CENPK: variants seen among roughly 807,000 people sequenced by gnomAD.
CENPK encodes SoxLZ/Sox6-binding protein Solt.
Under a neutral mutation model 40.9 loss-of-function variants are expected in CENPK, and 46 were observed. The ratio of observed to expected loss-of-function variants is 1.13; its 90% CI spans 0.89 to 1.44. The LOEUF (loss-of-function observed/expected upper bound fraction) is 1.44. CENPK is among the 40% of genes most tolerant of loss of function. CENPK has a pLI of 0.00. For synonymous variants in CENPK, 107 were observed against 104.4 expected (o/e 1.02, Z -0.15); for missense variants, 288 against 303.5 (o/e 0.95, Z 0.38).
rs115054098 is a variant in CENPK at position 65,518,708 on chromosome 5, A to G, written c.652-75T>C. 3,081 of 862,622 alleles carry G rather than the reference A, an allele frequency of 3.6e-3. 75 individuals carry two copies. The African/African-American group carries it at 0.048, about 13-fold the overall frequency. The allele number at this position is 862,622 out of a possible 1,614,324, so 53.4% of individuals were successfully genotyped here. Reference sequence around the variant, plus strand: ...ATAGCTATAAGAAAGTTTTTTGTCAAAGAATATTGACCTCTTTTCTTTTTC... The same window carrying G: ...ATAGCTATAAGAAAGTTTTTTGTCAGAGAATATTGACCTCTTTTCTTTTTC... On this transcript the variant is annotated intron_variant, in intron 10 of 10. Transcript: ENST00000396679.
the CENPK span, among the ~76,000 whole-genome samples, chr5:65,509,548 T>C: frequency 1.2e-4 from 18 of 152,374 alleles, no homozygotes; most frequent in African/African-American, 4.3e-4. Context: ...TACTGAAGAA[T>C]GTCGGTGTTC....
intron 3 of CENPK, among the ~76,000 whole-genome samples, chr5:65,552,760 A>G (rs550813296): frequency 2.2e-4 from 34 of 152,108 alleles, no homozygotes; most frequent in Admixed American, 2.6e-4. Flanking sequence ...AAGAGACACT[A>G]GAATGAAGAG....
At chr5:65,530,055 A>T (rs1333739369) in intron 6 of CENPK, among the ~76,000 whole-genome samples, 1 of 148,216 alleles carries the variant, frequency 6.7e-6, no homozygotes, top group Non-Finnish European at 1.5e-5. Context: ...CACCCGCCTC[A>T]GCCTCCCAAA....
the CENPK span, among the ~76,000 whole-genome samples, chr5:65,503,846 T>C: frequency 6.6e-6 from 1 of 151,758 alleles, no homozygotes; most frequent in African/African-American, 2.4e-5. Context: ...TTAGTAGAGA[T>C]GGGGTTTCAC....
At chr5:65,552,107 A>T (rs947780130) in intron 4 of CENPK, among the ~76,000 whole-genome samples, 6 of 151,970 alleles carry the variant, frequency 3.9e-5, no homozygotes, top group Non-Finnish European at 7.4e-5. Flanking sequence ...TCATATGACC[A>T]CATCACCAAG....
chr5:65,505,199 G>A, the CENPK span, among the ~76,000 whole-genome samples: 2 of 152,056 alleles, frequency 1.3e-5, no homozygotes, highest in African/African-American at 4.8e-5. Flanking sequence ...AGCTGGTTAT[G>A]TGATTCAAGA....
intron 6 of CENPK, among the ~76,000 whole-genome samples, chr5:65,530,022 C>G (rs975679137): frequency 2.0e-5 from 3 of 151,704 alleles, no homozygotes; most frequent in Non-Finnish European, 2.9e-5. Flanking sequence ...CCAGGCTGGT[C>G]TAGACCTCCT....
At chr5:65,504,110 T>C in the CENPK span, among the ~76,000 whole-genome samples, 2 of 151,900 alleles carry the variant, frequency 1.3e-5, no homozygotes, top group Non-Finnish European at 1.5e-5. Flanking sequence ...AGAAAACACT[T>C]TGACCCAAAT....
In CENPK at chr5:65,556,905, A is replaced by G. The variant is rs78861781; in HGVS notation, c.-39-1959T>C. On this transcript the variant is annotated intron_variant, in intron 2 of 10. Transcript: ENST00000396679. ...TACAATTACCTACGGTATTCAGCCT[A>G]GGTATGTAGTAGGTTATACCATCTA... 2.0e-3 allele frequency among the ~76,000 whole-genome samples: 298 copies of G among 152,368 alleles called. 11 individuals are homozygous for G. The East Asian group carries it at 0.052, about 27-fold the overall frequency.
At chr5:65,544,259 G>T (rs963386820) in intron 5 of CENPK, among the ~76,000 whole-genome samples, 7 of 152,170 alleles carry the variant, frequency 4.6e-5, no homozygotes, top group Non-Finnish European at 8.8e-5. Flanking sequence ...TCTATAAGAA[G>T]CTCACTAATC....
the CENPK span, among the ~76,000 whole-genome samples, chr5:65,505,566 A>C: frequency 6.6e-6 from 1 of 152,220 alleles, no homozygotes; most frequent in Non-Finnish European, 1.5e-5. Context: ...ACTTGAGCTC[A>C]AGAGGTTGAG....
chr5:65,539,036 C>T (rs976673178), intron 6 of CENPK, among the ~76,000 whole-genome samples: 1 of 152,198 alleles, frequency 6.6e-6, no homozygotes, highest in Non-Finnish European at 1.5e-5. Context: ...TCTTTCCATG[C>T]TCTACAACTT....
intron 5 of CENPK, chr5:65,550,616 C>T (rs1749801316): frequency 6.6e-6 from 1 of 152,156 alleles, no homozygotes; most frequent in South Asian, 2.1e-4. Context: ...GTCTAAAATA[C>T]TGTGAGATTA....
intron 3 of CENPK, among the ~76,000 whole-genome samples, chr5:65,554,138 A>G (rs1273002273): frequency 6.7e-6 from 1 of 150,338 alleles, no homozygotes; most frequent in Non-Finnish European, 1.5e-5. Flanking sequence ...TGAAACCAGT[A>G]ATTATTTTTT....
the CENPK span, among the ~76,000 whole-genome samples, chr5:65,508,629 AC>A: frequency 2.6e-5 from 4 of 152,092 alleles, no homozygotes; most frequent in East Asian, 7.7e-4. Context: ...TACTAAAAAT[AC>A]AAAAAATTAG....
At chr5:65,502,631 A>T in the CENPK span, among the ~76,000 whole-genome samples, 6 of 151,956 alleles carry the variant, frequency 3.9e-5, no homozygotes, top group Non-Finnish European at 1.5e-5. Flanking sequence ...TTTTTTAAGA[A>T]ATAGGGTCTC....
intron 5 of CENPK, among the ~76,000 whole-genome samples, chr5:65,545,320 GCGCGCACACACACACA>G (rs1242504444): frequency 1.4e-4 from 5 of 34,584 alleles, no homozygotes; most frequent in African/African-American, 6.2e-4. Flanking sequence ...AGTCCTCAAA[GCGCGCACACACACACA>G]CACACACACA....
the CENPK span, among the ~76,000 whole-genome samples, chr5:65,503,322 G>A: frequency 3.9e-5 from 6 of 152,160 alleles, no homozygotes; most frequent in African/African-American, 1.4e-4. Context: ...GGCCAGGCAA[G>A]TCTCGAAATC....
the CENPK span, among the ~76,000 whole-genome samples, chr5:65,507,984 T>G: frequency 1.4e-4 from 21 of 152,252 alleles, no homozygotes; most frequent in Non-Finnish European, 2.6e-4. Context: ...AATGCATTTT[T>G]GGCAATAATA....
Sources: allele counts gnomAD v4.1 joint callset (sites outside exome capture counted in the v4.1 genomes callset), GRCh38; gene constraint gnomAD v4.1.1; transcripts MANE v1.5; gene names NCBI Gene and HGNC (gene_info 2026-07-23, HGNC 2026-07-21).